The following MYO9B variants were observed in gnomAD, a reference collection of about 807,000 sequenced individuals.
The protein encoded by MYO9B is myosin IXB.
MYO9B carries 71 observed loss-of-function variants against 229.5 expected under a neutral mutation model. The observed-to-expected ratio is 0.31, with a 90% CI of 0.26 to 0.38. The LOEUF (loss-of-function observed/expected upper bound fraction) is 0.38. MYO9B is among the 10% of genes least tolerant of loss of function. MYO9B has a pLI of 1.00. For synonymous variants in MYO9B, 1,185 were observed against 1,235.8 expected (o/e 0.96, Z 0.86); for missense variants, 2,255 against 2,920.5 (o/e 0.77, Z 5.25).
rs59245743 is a variant in MYO9B at position 17,098,979 on chromosome 19, GAAA to G, written c.-58-2669_-58-2667del. 2.2e-3 allele frequency among the ~76,000 whole-genome samples: 299 copies of G among 137,708 alleles called. 2 individuals are homozygous for G. Among genetic ancestry groups the G allele is most frequent in the Middle Eastern group, 0.011 (3 of 266 alleles). 90.3% of individuals were successfully genotyped at this position (137,708 alleles called of 152,430 possible). A position where few individuals can be genotyped will look rare whatever the true frequency, so the allele number is the denominator to read the frequency against. ...GAAACTGGGCGACCCTCTCTCTTAGGAAAAAAAAAAAAAAGGGCTAGGTGCAGT... is the reference window on the plus strand; with the variant it reads ...GAAACTGGGCGACCCTCTCTCTTAGGAAAAAAAAAAAGGGCTAGGTGCAGT... On this transcript the variant is annotated intron_variant, in intron 1 of 39. Coordinates refer to ENST00000682292, the MANE Select transcript of MYO9B (RefSeq NM_004145.4).
intron 3 of MYO9B, among the ~76,000 whole-genome samples, chr19:17,147,614 G>A (rs1262635330): frequency 1.3e-5 from 2 of 148,774 alleles, no homozygotes; most frequent in Non-Finnish European, 3.0e-5. Context: ...GCGTGGTGGT[G>A]CATGCCTGTG....
rs187413666 is a variant in MYO9B at position 17,088,615 on chromosome 19, C to G, written c.-59+12741C>G. ...ATTCCTGTGATGTCCTGTACCAGACCGTGGTATGAGCCCATTGACCTCTGC... is the reference window on the plus strand; with the variant it reads ...ATTCCTGTGATGTCCTGTACCAGACGGTGGTATGAGCCCATTGACCTCTGC... On this transcript the variant is annotated intron_variant, in intron 1 of 39. Transcript: ENST00000682292. Among the ~76,000 whole-genome samples, 6 of 152,126 alleles carry G rather than the reference C, an allele frequency of 3.9e-5. No individual in the cohort carries two copies. In the East Asian group the frequency reaches 1.2e-3, roughly 29 times the overall value.
chr19:17,188,657 GA>G (rs2072946827), intron 19 of MYO9B, among the ~76,000 whole-genome samples: 2 of 152,116 alleles, frequency 1.3e-5, no homozygotes, highest in Non-Finnish European at 2.9e-5. Flanking sequence ...AAAAAATGCA[GA>G]AATGCTGGTG....
intron 19 of MYO9B, 72 bp from the exon 20 acceptor site, chr19:17,191,025 C>T (rs187242678): frequency 1.3e-6 from 2 of 1,483,794 alleles, no homozygotes; most frequent in Non-Finnish European, 1.8e-6. Flanking sequence ...ACCAGGGTCA[C>T]CAGATCTCTG....
chr19:17,084,182 A>T (rs990524095), intron 1 of MYO9B, among the ~76,000 whole-genome samples: 3 of 151,988 alleles, frequency 2.0e-5, no homozygotes, highest in African/African-American at 7.2e-5. Context: ...CAAAAAAGAT[A>T]CAAAAATTAG....
intron 1 of MYO9B, among the ~76,000 whole-genome samples, chr19:17,094,658 T>C (rs12975942): frequency 0.14 from 21,364 of 152,256 alleles, 1,799 homozygotes; most frequent in Non-Finnish European, 0.2. Context: ...AGTGTGTAAT[T>C]TGGCTGGGTG....
Position 17,167,968 on chromosome 19 carries a change from C to T in MYO9B, c.1697C>T (p.Thr566Met), listed in dbSNP as rs1396264940. 4.4e-6 allele frequency: 7 copies of T among 1,588,666 alleles called. No individual in the cohort carries two copies. Among genetic ancestry groups the T allele is most frequent in the South Asian group, 2.3e-5 (2 of 87,242 alleles). The part of the protein sequence containing the change: ...EQEEYQGEGI[T>M]WHNIGYTDNV... ...GAGGAATATCAGGGCGAGGGGATCACGTGGCACAACATCGGCTACACAGAC... is the reference window on the plus strand; with the variant it reads ...GAGGAATATCAGGGCGAGGGGATCATGTGGCACAACATCGGCTACACAGAC... The change falls in exon 11 of 40, where the codon ACG becomes ATG. Residue 566 changes from threonine (T) to methionine (M), a missense_variant. Coordinates refer to ENST00000682292, the MANE Select transcript of MYO9B (RefSeq NM_004145.4).
chr19:17,093,357 A>C (rs1021242499), intron 1 of MYO9B, among the ~76,000 whole-genome samples: 1 of 151,958 alleles, frequency 6.6e-6, no homozygotes, highest in Non-Finnish European at 1.5e-5. Context: ...AAAAAGACAT[A>C]TATCTTCGGT....
At chr19:17,084,413 A>G (rs1228996057) in intron 1 of MYO9B, among the ~76,000 whole-genome samples, 2 of 151,852 alleles carry the variant, frequency 1.3e-5, no homozygotes, top group Non-Finnish European at 1.5e-5. Context: ...ATTTTTTTCC[A>G]AATAATTAAT....
chr19:17,107,740 C>CGT (rs2057805975), intron 2 of MYO9B, among the ~76,000 whole-genome samples: 1 of 152,166 alleles, frequency 6.6e-6, no homozygotes, highest in African/African-American at 2.4e-5. Flanking sequence ...CCTGTGTGTC[C>CGT]ATGTCTTCAC....
rs1444886299 is a variant in MYO9B at position 17,195,113 on chromosome 19, A to G, written c.3686A>G (p.Lys1229Arg). The change falls in exon 22 of 40, where the codon AAG (lysine) becomes AGG (arginine). Residue 1229 changes from lysine to arginine, a missense_variant. This residue lies in a region of MYO9B where 679 missense variants were observed against 770.2 expected (regional missense o/e 0.88). Coordinates refer to ENST00000682292, the MANE Select transcript of MYO9B (RefSeq NM_004145.4). This position sits in a 1 kb window ranked among gnomAD's most constrained non-coding sequence, Gnocchi z 4.5. The part of the protein sequence containing the change: ...TEQPQAMAVG[K>R]VSEETEKTLP... ...CAACCCCAGGCCATGGCAGTTGGCA[A>G]GGTCTCTGAAGAAACTGAGAAGACG... The G allele has an allele frequency of 1.9e-6, 3 of 1,612,668 alleles. No individual in the cohort carries two copies. The highest frequency in any genetic ancestry group is 1.3e-5 in the African/African-American group (1 of 75,020).
At chr19:17,175,844 T>A in intron 14 of MYO9B, 103 bp downstream of exon 14, 1 of 863,418 alleles carries the variant, frequency 1.2e-6, no homozygotes, top group Non-Finnish European at 1.7e-6. Context: ...TTTTTTTTTT[T>A]CTTTTGAGAT....
At chr19:17,187,515 A>T (rs1357796834) in intron 18 of MYO9B, among the ~76,000 whole-genome samples, 1 of 150,608 alleles carries the variant, frequency 6.6e-6, no homozygotes, top group African/African-American at 2.4e-5. Context: ...CACAGAGAAC[A>T]AGCCCAGAAC....
chr19:17,210,384 T>G lies in MYO9B; in HGVS notation c.5796+4T>G. 6.3e-7 allele frequency: 1 copy of G among 1,593,476 alleles called. No homozygotes were observed. ...GTCTCCCTATGAGGGGGTCCTGGTA[T>G]GTACGCGTTCGGTGGGCCCGCGGTG... is the stretch of plus-strand genomic sequence containing the variant. On this transcript the variant is annotated splice_donor_region_variant and intron_variant, in intron 37 of 39. Transcript: ENST00000682292.
rs141118260 is a variant in MYO9B, at chr19:17,160,238, G to A, written c.1419+754G>A. ...CACCGGGGACATTCTGAGCCCACAT[G>A]GGTCCAGGGCACCACGTGATATTGC... On this transcript the variant is annotated intron_variant, in intron 8 of 39. Transcript: ENST00000682292. Among the ~76,000 whole-genome samples, 143 of 152,278 alleles carry A rather than the reference G, an allele frequency of 9.4e-4. 1 individual carries two copies. Among genetic ancestry groups the A allele is most frequent in the Middle Eastern group, 3.4e-3 (1 of 294 alleles).
Position 17,167,971 on chromosome 19 carries a change from G to A in MYO9B, c.1700G>A (p.Trp567Ter). ...QEEYQGEGIT[W>*]HNIGYTDNVG... ...GAATATCAGGGCGAGGGGATCACGTGGCACAACATCGGCTACACAGACAAT... is the reference window on the plus strand; with the variant it reads ...GAATATCAGGGCGAGGGGATCACGTAGCACAACATCGGCTACACAGACAAT... Residue 567 changes from tryptophan (W) to a stop codon, truncating the protein, a stop_gained, in exon 11 of 40, where the codon TGG becomes TAG. Coordinates refer to ENST00000682292, the MANE Select transcript of MYO9B (RefSeq NM_004145.4). LOFTEE classifies it high-confidence loss of function. 6.3e-7 allele frequency: 1 copy of A among 1,592,242 alleles called. No individual in the cohort carries two copies.
At chr19:17,150,833 T>A (rs1043221968) in intron 3 of MYO9B, among the ~76,000 whole-genome samples, 4 of 141,480 alleles carry the variant, frequency 2.8e-5, no homozygotes, top group African/African-American at 9.8e-5. Flanking sequence ...CTGCCACTAC[T>A]TTTAGCATTG....
At position 17,127,903 on chromosome 19, in the gene MYO9B, G is replaced by A. The variant is rs763735565; in HGVS notation, c.841-17494G>A. Among the ~76,000 whole-genome samples the A allele has an allele frequency of 4.6e-5, 7 of 152,168 alleles. No individual in the cohort carries two copies. The South Asian group carries it at 6.2e-4, about 13-fold the overall frequency. Reference sequence around the variant, plus strand: ...GCCCCTGATTCACACAGAAAATCCCGCTTAATCCTCCATCTGCTAAGGCAG... The same window carrying A: ...GCCCCTGATTCACACAGAAAATCCCACTTAATCCTCCATCTGCTAAGGCAG... On this transcript the variant is annotated intron_variant, in intron 2 of 39. Transcript: ENST00000682292.
intron 1 of MYO9B, among the ~76,000 whole-genome samples, chr19:17,084,693 G>A (rs1224478510): frequency 6.9e-6 from 1 of 144,666 alleles, no homozygotes; most frequent in Non-Finnish European, 1.5e-5. Context: ...GTGAAATCTT[G>A]TGTCTACTAA....
Sources: gnomAD v4.1 joint callset for allele counts (sites outside exome capture counted in the v4.1 genomes callset) on GRCh38, gnomAD v4.1.1 for gene constraint, gnomAD v4.1.1 regional missense constraint, Gnocchi (gnomAD v3.1) non-coding constraint, MANE v1.5 for transcripts, NCBI Gene and HGNC (gene_info 2026-07-23, HGNC 2026-07-21) for gene names.